NBPF12: variants seen among roughly 807,000 people sequenced by gnomAD.
NBPF12 encodes NBPF family member NBPF12.
NBPF12 carries 115 observed loss-of-function variants against 146.4 expected under a neutral mutation model. The observed-to-expected ratio is 0.79, with a 90% CI of 0.68 to 0.92. NBPF12 has a LOEUF of 0.92. NBPF12 is among the 40% of genes least tolerant of loss of function. The pLI, the probability that NBPF12 is intolerant of heterozygous loss-of-function variation, is 0.00. For missense variants in NBPF12, 1,205 were observed against 1,326.8 expected (o/e 0.91, Z 1.43); for synonymous variants, 385 against 508.9 (o/e 0.76, Z 3.28).
At chr1:146,990,828 G>A (rs1393929474) in intron 29 of NBPF12, among the ~76,000 whole-genome samples, 2 of 93,520 alleles carry the variant, frequency 2.1e-5, no homozygotes, top group Non-Finnish European at 4.0e-5. Flanking sequence ...TGTCCCGAGG[G>A]CACTAAATCA....
intron 13 of NBPF12, 53 bp from the exon 17 acceptor site, chr1:146,972,698 A>C (rs1553886745): frequency 1.5e-6 from 2 of 1,360,052 alleles, no homozygotes; most frequent in Non-Finnish European, 1.1e-6. Context: ...GATTAAGCCT[A>C]TTTCATTTCA....
rs1277284016 is a variant in NBPF12 at position 146,954,774 on chromosome 1, G to GA, written c.-184+3294dup. ...GAAAATCAAGATTATGTGTTTTGTT[G>GA]AAAAAAAAATAGAATATATATCAGT... On this transcript the variant is annotated intron_variant, in intron 2 of 33. Transcript: ENST00000617844. 4.3e-3 allele frequency among the ~76,000 whole-genome samples: 617 copies of GA among 142,826 alleles called. 4 individuals are homozygous for GA. The highest frequency in any genetic ancestry group is 6.9e-3 in the Non-Finnish European group (450 of 65,188). The allele number at this position is 142,826 out of a possible 152,430, so 93.7% of individuals were successfully genotyped here.
intron 4 of NBPF12, among the ~76,000 whole-genome samples, chr1:146,961,266 T>A (rs1428941777): frequency 6.6e-6 from 1 of 151,774 alleles, no homozygotes; most frequent in Non-Finnish European, 1.5e-5. Context: ...GGAAGAAAGA[T>A]CACACCCGAG....
At chr1:146,970,663 G>C in exon 12 of NBPF12, 12 of 1,492,226 alleles carry the variant, frequency 8.0e-6, no homozygotes, top group Non-Finnish European at 1.0e-5. Flanking sequence ...ATGAAGATGA[G>C]GATGAAGATG....
intron 19 of NBPF12, among the ~76,000 whole-genome samples, chr1:146,981,677 A>G (rs1263979698): frequency 1.3e-5 from 2 of 151,908 alleles, no homozygotes; most frequent in Non-Finnish European, 2.9e-5. Flanking sequence ...TCTCCCCATC[A>G]CTTTCAGTAC....
At chr1:146,992,622 C>G (rs1170310311) in intron 31 of NBPF12, 90 bp from the exon 35 acceptor site, 1 of 757,386 alleles carries the variant, frequency 1.3e-6, no homozygotes, top group Non-Finnish European at 2.4e-6. Flanking sequence ...TTTTTTTAAC[C>G]ACTTCCTTAT....
chr1:146,963,817 G>A, intron 6 of NBPF12, among the ~76,000 whole-genome samples: 1 of 145,840 alleles, frequency 6.9e-6, no homozygotes, highest in East Asian at 2.0e-4. Flanking sequence ...CTCTCCATGT[G>A]GTGTTGGAGA....
intron 17 of NBPF12, among the ~76,000 whole-genome samples, 171 bp downstream of exon 20, chr1:146,977,172 A>G (rs1252363574): frequency 1.4e-5 from 2 of 147,498 alleles, no homozygotes; most frequent in East Asian, 2.0e-4. Context: ...ATGTTTCTCT[A>G]TGTGTGCCGA....
rs1195069085 is a variant in NBPF12 at position 146,964,331 on chromosome 1, T to C, written c.494-26T>C. 10,909 of 1,528,700 alleles carry C rather than the reference T, an allele frequency of 7.1e-3. 50 individuals are homozygous for C. Among genetic ancestry groups the C allele is most frequent in the Non-Finnish European group, 8.5e-3 (9,498 of 1,117,398 alleles). The allele number at this position is 1,528,700 out of a possible 1,614,324, so 94.7% of individuals were successfully genotyped here. On this transcript the variant is annotated intron_variant, in intron 6 of 33. Coordinates refer to ENST00000617844, the Ensembl canonical transcript of NBPF12. ...CTTGCAGAATGTGAAGTGGGACATA[T>C]CTGAATGAACATTTTGTATTTATAG...
At chr1:146,950,000 A>G (rs1655258880) in intron 1 of NBPF12, among the ~76,000 whole-genome samples, 1 of 152,028 alleles carries the variant, frequency 6.6e-6, no homozygotes. Flanking sequence ...TTAAAGTCAT[A>G]TAACTGGCAT....
chr1:146,951,632 C>G (rs1655327202), intron 2 of NBPF12, 143 bp downstream of exon 5: 1 of 504,474 alleles, frequency 2.0e-6, no homozygotes, highest in African/African-American at 2.0e-5. Context: ...GATGATGTCC[C>G]TTGTTCAACA....
rs2101876035 is a variant in NBPF12 at position 146,971,193 on chromosome 1, A to T, written c.1390A>T (p.Lys464Ter). The change falls in exon 13 of 34, where the codon AAG becomes TAG. Residue 464 changes from lysine to a stop codon, truncating the protein, a stop_gained. Transcript: ENST00000617844. LOFTEE classifies it high-confidence loss of function. ...CACCTGGCTCATCAGGGAGATGCAG[A>T]AGGCTGAAGAAAGCAAAGTCCCTGA... is the stretch of plus-strand genomic sequence containing the variant. 2.5e-6 allele frequency: 4 copies of T among 1,611,474 alleles called. No homozygotes were observed. The East Asian group carries it at 8.9e-5, about 36-fold the overall frequency.
intron 5 of NBPF12, among the ~76,000 whole-genome samples, chr1:146,962,875 G>A (rs1655949104): frequency 6.6e-6 from 1 of 151,278 alleles, no homozygotes; most frequent in African/African-American, 2.4e-5. Flanking sequence ...AAGATGAATG[G>A]AACATCATCG....
chr1:146,953,873 A>G (rs1655435366), intron 2 of NBPF12, among the ~76,000 whole-genome samples: 1 of 152,008 alleles, frequency 6.6e-6, no homozygotes, highest in Non-Finnish European at 1.5e-5. Flanking sequence ...TATTGAAAGA[A>G]TTGAAGCTGT....
intron 33 of NBPF12, 138 bp from the exon 37 acceptor site, chr1:146,994,194 G>A (rs61805292): frequency 1.1e-5 from 17 of 1,545,034 alleles, no homozygotes; most frequent in South Asian, 1.1e-5. Context: ...CAACATAAAG[G>A]CAATAATTTG....
upstream of NBPF12, among the ~76,000 whole-genome samples, chr1:146,945,053 T>A (rs1181437858): frequency 7.9e-6 from 1 of 126,222 alleles, no homozygotes; most frequent in Non-Finnish European, 1.7e-5. Context: ...CCTGCCTTCC[T>A]CCCTCCCTCC....
upstream of NBPF12, among the ~76,000 whole-genome samples, chr1:146,945,742 A>T (rs1162997164): frequency 6.6e-6 from 1 of 152,206 alleles, no homozygotes; most frequent in South Asian, 2.1e-4. Context: ...CTATTAGTAT[A>T]TTGTATTAGT....
chr1:146,981,735 G>A (rs1657411382), intron 19 of NBPF12, among the ~76,000 whole-genome samples: 2 of 151,784 alleles, frequency 1.3e-5, no homozygotes, highest in African/African-American at 4.9e-5. Flanking sequence ...CATATTTATT[G>A]GAGGCTTGTT....
At chr1:146,981,444 C>T (rs1657385769) in intron 19 of NBPF12, among the ~76,000 whole-genome samples, 1 of 151,274 alleles carries the variant, frequency 6.6e-6, no homozygotes, top group Non-Finnish European at 1.5e-5. Context: ...GATGGGCTTC[C>T]CTTTGTGGGT....
Sources: allele counts gnomAD v4.1 joint callset (sites outside exome capture counted in the v4.1 genomes callset), GRCh38; gene constraint gnomAD v4.1.1; transcripts MANE v1.5; gene names NCBI Gene and HGNC (gene_info 2026-07-23, HGNC 2026-07-21).